Variants in IPCEF1 observed in about 807,000 individuals in gnomAD.
IPCEF1 encodes the protein interactor protein for cytohesin exchange factors 1.
In IPCEF1, 31 loss-of-function variants were observed where a neutral mutation model predicts 50.9. The observed-to-expected ratio is 0.61, with a 90% CI of 0.46 to 0.82. The LOEUF (loss-of-function observed/expected upper bound fraction) is 0.82. IPCEF1 is among the 40% of genes least tolerant of loss of function. The pLI, the probability that IPCEF1 is intolerant of heterozygous loss-of-function variation, is 0.00. For synonymous variants in IPCEF1, 181 were observed against 192.0 expected (o/e 0.94, Z 0.47); for missense variants, 458 against 514.0 (o/e 0.89, Z 1.05).
Position 154,160,007 on chromosome 6 carries a change from A to G in IPCEF1, c.1138T>C (p.Leu380=). Residue 380 remains leucine, a synonymous_variant, in exon 12 of 12, where the codon TTG becomes CTG. Coordinates refer to ENST00000367220, the MANE Select transcript of IPCEF1 (RefSeq NM_001130700.2). ...KEHDLAMINQ[L]LDDPKLTARK... ...GCTGTCAGCTTCGGGTCATCCAGCA[A>G]CTGGTTAATCATGGCCAGATCATGT... is the stretch of plus-strand genomic sequence containing the variant. The G allele has an allele frequency of 6.2e-7, 1 of 1,612,516 alleles. No homozygotes were observed. The highest frequency in any genetic ancestry group is 8.5e-7 in the Non-Finnish European group (1 of 1,179,946).
chr6:154,332,861 T>C (rs1191915561), intron 1 of IPCEF1, among the ~76,000 whole-genome samples: 3 of 152,174 alleles, frequency 2.0e-5, no homozygotes, highest in African/African-American at 4.8e-5. Flanking sequence ...AAAATATGTG[T>C]GATTGGAAGG....
At chr6:154,293,472 C>T (rs1782562003) in intron 1 of IPCEF1, among the ~76,000 whole-genome samples, 1 of 152,244 alleles carries the variant, frequency 6.6e-6, no homozygotes, top group Admixed American at 6.5e-5. Context: ...CCATTTACTG[C>T]TTCATCCATG....
Position 154,332,270 on chromosome 6 carries a change from T to G in IPCEF1, c.-62+24402A>C, listed in dbSNP as rs1460095446. 2.1e-5 allele frequency among the ~76,000 whole-genome samples: 3 copies of G among 144,494 alleles called. 1 individual carries two copies. Among genetic ancestry groups the G allele is most frequent in the South Asian group, 4.4e-4 (2 of 4,498 alleles). 94.8% of individuals were successfully genotyped at this position (144,494 alleles called of 152,430 possible). ...ACAGCATCTGACCTGTTGATAACTGTTTTTTTGTGTGTGAGTGGTTTTTTT... is the reference window on the plus strand; with the variant it reads ...ACAGCATCTGACCTGTTGATAACTGGTTTTTTGTGTGTGAGTGGTTTTTTT... On this transcript the variant is annotated intron_variant, in intron 1 of 11. Coordinates refer to ENST00000367220, the MANE Select transcript of IPCEF1 (RefSeq NM_001130700.2).
rs77123330 is a variant in IPCEF1 at position 154,306,108 on chromosome 6, C to A, written c.-61-16352G>T. Among the ~76,000 whole-genome samples, 418 of 152,264 alleles carry A rather than the reference C, an allele frequency of 2.7e-3. 14 individuals carry two copies. In the East Asian group the frequency reaches 0.066, roughly 24 times the overall value. On this transcript the variant is annotated intron_variant, in intron 1 of 11. Transcript: ENST00000367220. The stretch of plus-strand genomic sequence containing the variant: ...CTCTTTCTTCTAGAGAACCCTAATA[C>A]ATCCAGCTTCCTTCTCCTGCCTGCC...
intron 11 of IPCEF1, 102 bp downstream of exon 11, chr6:154,167,818 C>G (rs1799559692): frequency 1.2e-6 from 1 of 859,268 alleles, no homozygotes; most frequent in South Asian, 2.1e-5. Context: ...CCCTTCCCTG[C>G]AACCACACAA....
intron 3 of IPCEF1, among the ~76,000 whole-genome samples, chr6:154,264,012 C>CT (rs974061713): frequency 1.4e-4 from 21 of 150,054 alleles, no homozygotes; most frequent in African/African-American, 4.7e-4. Context: ...CTGACCCCCC[C>CT]CACCTCCCTC....
intron 5 of IPCEF1, among the ~76,000 whole-genome samples, chr6:154,236,687 G>A (rs1302019182): frequency 6.6e-6 from 1 of 152,208 alleles, no homozygotes; most frequent in Non-Finnish European, 1.5e-5. Context: ...CTGTTAATGA[G>A]CACCATCTCT....
intron 10 of IPCEF1, among the ~76,000 whole-genome samples, chr6:154,182,730 C>T (rs929655679): frequency 4.6e-5 from 7 of 152,024 alleles, no homozygotes; most frequent in East Asian, 1.9e-4. Flanking sequence ...TTCTAGGATA[C>T]GAATCCAATG....
intron 2 of IPCEF1, among the ~76,000 whole-genome samples, chr6:154,266,591 CAA>C (rs1781762710): frequency 3.2e-5 from 4 of 124,338 alleles, no homozygotes; most frequent in African/African-American, 1.1e-4. Context: ...TATATACACA[CAA>C]ACACACACAC....
chr6:154,292,447 C>T (rs1782539214), intron 1 of IPCEF1, among the ~76,000 whole-genome samples: 1 of 152,170 alleles, frequency 6.6e-6, no homozygotes, highest in Non-Finnish European at 1.5e-5. Context: ...GCTACAATCG[C>T]ATGAGGTAGG....
intron 10 of IPCEF1, among the ~76,000 whole-genome samples, chr6:154,195,600 T>C (rs1004367608): frequency 6.6e-6 from 1 of 152,172 alleles, no homozygotes; most frequent in Non-Finnish European, 1.5e-5. Context: ...CTTCTCCATG[T>C]ACATATCTTG....
At chr6:154,229,728 C>G (rs1462731719) in intron 5 of IPCEF1, among the ~76,000 whole-genome samples, 1 of 152,066 alleles carries the variant, frequency 6.6e-6, no homozygotes. Flanking sequence ...AGGTGTCTAC[C>G]CAAGAGGAAT....
chr6:154,194,482 T>C (rs1776427855), intron 10 of IPCEF1, among the ~76,000 whole-genome samples: 1 of 152,188 alleles, frequency 6.6e-6, no homozygotes, highest in African/African-American at 2.4e-5. Context: ...CTGTCTCTTC[T>C]GAACCTACTA....
chr6:154,350,386 T>C (rs772236900), intron 1 of IPCEF1, among the ~76,000 whole-genome samples: 7 of 152,138 alleles, frequency 4.6e-5, no homozygotes, highest in Non-Finnish European at 7.3e-5. Context: ...TGAAAGAAAA[T>C]CTTTTATAGA....
chr6:154,345,620 G>A (rs547231432), intron 1 of IPCEF1, among the ~76,000 whole-genome samples: 32 of 152,118 alleles, frequency 2.1e-4, no homozygotes, highest in African/African-American at 6.3e-4. Context: ...TTTGTTTTAC[G>A]TGACTGCTCA....
At chr6:154,246,997 A>C in intron 4 of IPCEF1, 1 of 484,566 alleles carries the variant, frequency 2.1e-6, no homozygotes, top group Non-Finnish European at 3.6e-6. Flanking sequence ...CATGCTTAGA[A>C]GGTATAAGAT....
chr6:154,201,972 G>T (rs1309207154), intron 9 of IPCEF1, among the ~76,000 whole-genome samples: 1 of 152,132 alleles, frequency 6.6e-6, no homozygotes, highest in Non-Finnish European at 1.5e-5. Context: ...GAGCAAACTA[G>T]GATCTTCTTC....
At chr6:154,287,775 T>C (rs897575251) in intron 2 of IPCEF1, among the ~76,000 whole-genome samples, 1 of 152,194 alleles carries the variant, frequency 6.6e-6, no homozygotes, top group Non-Finnish European at 1.5e-5. Flanking sequence ...AGTGTTATAC[T>C]AGAAAACATA....
At chr6:154,296,395 TG>T (rs1422579003) in intron 1 of IPCEF1, among the ~76,000 whole-genome samples, 1 of 152,188 alleles carries the variant, frequency 6.6e-6, no homozygotes, top group Non-Finnish European at 1.5e-5. Flanking sequence ...TCTTTTCACC[TG>T]TTTAGCCCAC....
Sources: allele counts gnomAD v4.1 joint callset (sites outside exome capture counted in the v4.1 genomes callset), GRCh38; gene constraint gnomAD v4.1.1; transcripts MANE v1.5; gene names NCBI Gene and HGNC (gene_info 2026-07-23, HGNC 2026-07-21).